The following NELL2 variants were observed in gnomAD, a reference collection of about 807,000 sequenced individuals.
NELL2 encodes protein kinase C-binding protein NELL2.
A neutral mutation model predicts 109.6 loss-of-function variants in NELL2; 41 were observed. The observed-to-expected ratio is 0.37, with a 90% confidence interval of 0.29 to 0.49. The LOEUF (loss-of-function observed/expected upper bound fraction) is 0.49, where lower values mean the gene tolerates loss of function less well. NELL2 is among the 20% of genes least tolerant of loss of function. The pLI is 0.98. For synonymous variants in NELL2, 355 were observed against 344.7 expected (o/e 1.03, Z -0.33); for missense variants, 900 against 1,008.3 (o/e 0.89, Z 1.45).
intron 13 of NELL2, among the ~76,000 whole-genome samples, chr12:44,617,315 A>AT (rs1206739992): frequency 1.3e-5 from 2 of 152,152 alleles, no homozygotes; most frequent in African/African-American, 2.4e-5. Flanking sequence ...TTTAGATGCC[A>AT]TTTTATCCTA....
At chr12:44,668,918 C>T (rs1393572280) in intron 12 of NELL2, among the ~76,000 whole-genome samples, 1 of 152,052 alleles carries the variant, frequency 6.6e-6, no homozygotes, top group African/African-American at 2.4e-5. Flanking sequence ...CCTGAGCACA[C>T]CACCCAGAGG....
chr12:44,849,782 A>G (rs1246460417), intron 2 of NELL2, among the ~76,000 whole-genome samples: 3 of 152,216 alleles, frequency 2.0e-5, no homozygotes, highest in African/African-American at 7.2e-5. Context: ...ATTGTGGTAT[A>G]TTCATACAGT....
At position 44,636,626 on chromosome 12, in the gene NELL2, A is replaced by T. The variant is rs141616820; in HGVS notation, c.1445-25656T>A. ...GTCGAACCAGCCTTGCATCCCAGGG[A>T]TGAAGCCGACTTGATCATGGTGGAT... On this transcript the variant is annotated intron_variant, in intron 13 of 19. Coordinates refer to ENST00000429094, the MANE Select transcript of NELL2 (RefSeq NM_001145108.2). Among the ~76,000 whole-genome samples, 66 of 152,278 alleles carry T rather than the reference A, an allele frequency of 4.3e-4. No homozygotes were observed. The East Asian group carries it at 0.011, about 25-fold the overall frequency.
At chr12:44,679,584 C>T (rs1225291902) in intron 12 of NELL2, among the ~76,000 whole-genome samples, 1 of 152,124 alleles carries the variant, frequency 6.6e-6, no homozygotes, top group Non-Finnish European at 1.5e-5. Flanking sequence ...AGCCACAGAA[C>T]CTTTGTGAAG....
chr12:44,692,119 A>C (rs1457726612), intron 12 of NELL2, among the ~76,000 whole-genome samples: 1 of 152,206 alleles, frequency 6.6e-6, no homozygotes, highest in Non-Finnish European at 1.5e-5. Flanking sequence ...TGCTGGCTTC[A>C]TAGTTTCCAA....
chr12:44,696,627 C>G (rs763818420), intron 12 of NELL2, among the ~76,000 whole-genome samples: 1 of 151,968 alleles, frequency 6.6e-6, no homozygotes, highest in Non-Finnish European at 1.5e-5. Context: ...AAACTCAATC[C>G]CTTTTTAGCT....
At chr12:44,652,984 G>A (rs1267595204) in intron 13 of NELL2, among the ~76,000 whole-genome samples, 1 of 152,168 alleles carries the variant, frequency 6.6e-6, no homozygotes, top group African/African-American at 2.4e-5. Flanking sequence ...GGACTCATGT[G>A]ATTAGATTGG....
chr12:44,748,049 T>G (rs1222982995), intron 9 of NELL2, among the ~76,000 whole-genome samples: 3 of 152,150 alleles, frequency 2.0e-5, no homozygotes, highest in Non-Finnish European at 4.4e-5. Flanking sequence ...GTATCATCTG[T>G]AAATTGAGGA....
At chr12:44,791,183 CATATATATATATAT>C (rs748283455) in intron 3 of NELL2, among the ~76,000 whole-genome samples, 187 of 15,098 alleles carry the variant, frequency 0.012, 1 homozygote, top group Non-Finnish European at 0.014. Context: ...AGTATTCCAT[CATATATATATATAT>C]ATATATATAT....
At position 44,532,697 on chromosome 12, in the gene NELL2, A is replaced by G. The variant is rs961199525; in HGVS notation, c.1688T>C (p.Phe563Ser). The G allele has an allele frequency of 6.2e-7, 1 of 1,613,072 alleles. No homozygotes were observed. The highest frequency in any genetic ancestry group is 8.5e-7 in the Non-Finnish European group (1 of 1,179,476). The stretch of plus-strand genomic sequence containing the variant: ...ATTAGCACGACTGTCACATTGAACA[A>G]AACCATCAGAGCATTCATCAATGTC... ...ETDIDECSDG[F>S]VQCDSRANCI... Residue 563 changes from phenylalanine to serine, a missense_variant, in exon 16 of 20, where the codon TTT becomes TCT. By Grantham distance (155) the Phe-to-Ser change is radical (BLOSUM62 -2). Transcript: ENST00000429094.
chr12:44,715,629 T>C (rs1479775081), intron 9 of NELL2, among the ~76,000 whole-genome samples: 1 of 152,044 alleles, frequency 6.6e-6, no homozygotes, highest in Non-Finnish European at 1.5e-5. Flanking sequence ...TAATTTTGTA[T>C]TGTTTATCTT....
chr12:44,849,721 C>G (rs1265938200), intron 2 of NELL2, among the ~76,000 whole-genome samples: 1 of 151,968 alleles, frequency 6.6e-6, no homozygotes, highest in Non-Finnish European at 1.5e-5. Context: ...TCATAATAGC[C>G]AAAGACTAGA....
At chr12:44,522,692 G>T (rs538337802) in intron 17 of NELL2, 1 of 152,892 alleles carries the variant, frequency 6.5e-6, no homozygotes, top group South Asian at 2.1e-4. Flanking sequence ...AAAATAATTT[G>T]AGCATTTATT....
chr12:44,582,802 C>A (rs534689665), intron 15 of NELL2, among the ~76,000 whole-genome samples: 21 of 152,156 alleles, frequency 1.4e-4, no homozygotes, highest in Middle Eastern at 3.4e-3. Flanking sequence ...ATTTCTAATG[C>A]AACAGTGTTG....
intron 1 of NELL2, among the ~76,000 whole-genome samples, chr12:44,893,259 C>CT (rs1259852502): frequency 1.3e-5 from 2 of 152,168 alleles, no homozygotes; most frequent in African/African-American, 4.8e-5. Context: ...CACCCAAATT[C>CT]TTAATCAGTT....
upstream of NELL2, among the ~76,000 whole-genome samples, chr12:44,914,933 T>C (rs1208686901): frequency 6.6e-6 from 1 of 151,740 alleles, no homozygotes; most frequent in Non-Finnish European, 1.5e-5. Flanking sequence ...CACTGTAAGC[T>C]CGGTCTCCTG....
chr12:44,829,277 G>A (rs1943812464), intron 2 of NELL2, among the ~76,000 whole-genome samples: 1 of 152,174 alleles, frequency 6.6e-6, no homozygotes, highest in African/African-American at 2.4e-5. Flanking sequence ...TTAATAGCCT[G>A]ACTGCCTTCC....
chr12:44,832,228 T>C (rs997251546), intron 2 of NELL2, among the ~76,000 whole-genome samples: 2 of 152,226 alleles, frequency 1.3e-5, no homozygotes, highest in Non-Finnish European at 2.9e-5. Flanking sequence ...TCAACAGATA[T>C]GGATATAATT....
At chr12:44,715,496 C>T (rs936589818) in intron 9 of NELL2, among the ~76,000 whole-genome samples, 10 of 150,316 alleles carry the variant, frequency 6.7e-5, no homozygotes, top group African/African-American at 1.7e-4. Flanking sequence ...GTATTTCACA[C>T]GACCTACACT....
Sources: allele counts gnomAD v4.1 joint callset (sites outside exome capture counted in the v4.1 genomes callset), GRCh38; gene constraint gnomAD v4.1.1; transcripts MANE v1.5; gene names NCBI Gene and HGNC (gene_info 2026-07-23, HGNC 2026-07-21).